NCAM2: variants seen among roughly 807,000 people sequenced by gnomAD.
NCAM2 encodes the protein N-CAM-2.
In NCAM2, 30 loss-of-function variants were observed where a neutral mutation model predicts 98.1. That is an observed-to-expected ratio of 0.31 (90% CI 0.23 to 0.41). The LOEUF (loss-of-function observed/expected upper bound fraction) is 0.41, where lower values mean the gene tolerates loss of function less well. NCAM2 is among the 10% of genes least tolerant of loss of function. NCAM2 has a pLI of 1.00. For missense variants in NCAM2, 867 were observed against 1,005.8 expected (o/e 0.86, Z 1.87); for synonymous variants, 368 against 342.4 (o/e 1.07, Z -0.83).
intron 1 of NCAM2, among the ~76,000 whole-genome samples, chr21:21,234,912 G>A (rs1357203084): frequency 6.6e-6 from 1 of 152,008 alleles, no homozygotes; most frequent in Non-Finnish European, 1.5e-5. Flanking sequence ...TAAGCAAATT[G>A]CAGCTAAGGG....
At chr21:21,311,845 G>A (rs2074064362) in intron 5 of NCAM2, among the ~76,000 whole-genome samples, 1 of 152,014 alleles carries the variant, frequency 6.6e-6, no homozygotes, top group Non-Finnish European at 1.5e-5. Context: ...GATTTGGGGT[G>A]TTTTTCTTTA....
chr21:21,413,550 G>C (rs573733722), intron 10 of NCAM2, among the ~76,000 whole-genome samples: 1 of 152,098 alleles, frequency 6.6e-6, no homozygotes, highest in Admixed American at 6.6e-5. Flanking sequence ...CCTCAATAAA[G>C]TAAATATCTC....
intron 1 of NCAM2, among the ~76,000 whole-genome samples, chr21:21,082,986 GT>G (rs1246315843): frequency 6.6e-6 from 1 of 152,210 alleles, no homozygotes; most frequent in Non-Finnish European, 1.5e-5. Flanking sequence ...GAGGTCTACT[GT>G]TTGCTCCTTG....
chr21:21,085,200 G>C (rs1453312790), intron 1 of NCAM2, among the ~76,000 whole-genome samples: 2 of 125,170 alleles, frequency 1.6e-5, no homozygotes, highest in African/African-American at 7.8e-5. Flanking sequence ...GTCTAGTTGG[G>C]GTTTTTTTTT....
At chr21:21,054,627 C>A (rs2065177809) in intron 1 of NCAM2, among the ~76,000 whole-genome samples, 1 of 151,860 alleles carries the variant, frequency 6.6e-6, no homozygotes, top group South Asian at 2.1e-4. Context: ...TAAATTGATT[C>A]CAAAAGATGT....
chr21:21,008,707 T>A (rs2064153443), intron 1 of NCAM2, among the ~76,000 whole-genome samples: 1 of 152,290 alleles, frequency 6.6e-6, no homozygotes, highest in Admixed American at 6.5e-5. Flanking sequence ...TTTAATATCA[T>A]TATGTTCTTC....
chr21:21,005,479 C>A (rs1027831347), intron 1 of NCAM2, among the ~76,000 whole-genome samples: 2 of 151,994 alleles, frequency 1.3e-5, no homozygotes, highest in Non-Finnish European at 2.9e-5. Flanking sequence ...AATTATATAT[C>A]AAGTTGCTGT....
chr21:21,421,715 A>T (rs1284488904), intron 11 of NCAM2, among the ~76,000 whole-genome samples: 1 of 152,198 alleles, frequency 6.6e-6, no homozygotes, highest in Non-Finnish European at 1.5e-5. Context: ...ATATGAGGAT[A>T]CCACAGTTTA....
At chr21:21,394,687 C>T (rs1012247820) in intron 9 of NCAM2, among the ~76,000 whole-genome samples, 1 of 151,626 alleles carries the variant, frequency 6.6e-6, no homozygotes, top group African/African-American at 2.4e-5. Context: ...CGGGGTTTCA[C>T]TGTGTTAGCC....
At chr21:21,225,210 A>G (rs1394045435) in intron 1 of NCAM2, among the ~76,000 whole-genome samples, 1 of 152,134 alleles carries the variant, frequency 6.6e-6, no homozygotes, top group Non-Finnish European at 1.5e-5. Flanking sequence ...GAACAATGAG[A>G]ACACGTTGAC....
At chr21:21,127,196 A>C (rs1395116644) in intron 1 of NCAM2, among the ~76,000 whole-genome samples, 1 of 151,986 alleles carries the variant, frequency 6.6e-6, no homozygotes. Context: ...TGTAATATAT[A>C]TTTAGAAACT....
intron 1 of NCAM2, among the ~76,000 whole-genome samples, chr21:21,224,669 C>G (rs2070310708): frequency 6.6e-6 from 1 of 152,098 alleles, no homozygotes; most frequent in South Asian, 2.1e-4. Context: ...GGTAAAGTTT[C>G]ATTTGTAATA....
At chr21:21,495,461 T>C (rs1186904700) in intron 15 of NCAM2, among the ~76,000 whole-genome samples, 2 of 152,018 alleles carry the variant, frequency 1.3e-5, no homozygotes, top group Non-Finnish European at 2.9e-5. Context: ...AGGCCGCCTC[T>C]AGCTCTTTCC....
chr21:21,353,804 TAAG>T (rs2147954316), intron 8 of NCAM2, among the ~76,000 whole-genome samples: 1 of 152,242 alleles, frequency 6.6e-6, no homozygotes, highest in African/African-American at 2.4e-5. Context: ...TTCAACATTC[TAAG>T]AAGTACCTAA....
intron 13 of NCAM2, among the ~76,000 whole-genome samples, chr21:21,467,191 T>C (rs1983793719): frequency 6.6e-6 from 1 of 151,722 alleles, no homozygotes; most frequent in Admixed American, 6.6e-5. Context: ...AGGAGAAGCC[T>C]TGTTCTGATA....
intron 1 of NCAM2, among the ~76,000 whole-genome samples, chr21:21,054,764 A>G (rs1009386335): frequency 7.2e-5 from 11 of 152,058 alleles, no homozygotes; most frequent in Non-Finnish European, 1.6e-4. Flanking sequence ...CTCAAAGAGA[A>G]CTATGAGTAT....
chr21:21,257,019 C>A (rs574058160), intron 1 of NCAM2, among the ~76,000 whole-genome samples: 4 of 152,296 alleles, frequency 2.6e-5, no homozygotes, highest in African/African-American at 9.6e-5. Flanking sequence ...TCTTTTTAAT[C>A]AAGCTGCTAA....
rs1391650825 is a variant in NCAM2, at chr21:21,537,852, G to A, written c.2409G>A (p.Leu803=). The change falls in exon 18 of 18, where the codon TTG becomes TTA. Residue 803 remains leucine (L), a synonymous_variant. Transcript: ENST00000400546. ...ETTPLTEPEK[L]PLKEEDGKEA... ...ATTATTTTTTATCTTCCAGAAAATT[G>A]CCTTTAAAGGAAGAAGATGGGAAAG... 1.3e-6 allele frequency: 2 copies of A among 1,499,360 alleles called. No individual in the cohort carries two copies. Among genetic ancestry groups the A allele is most frequent in the Admixed American group, 2.0e-5 (1 of 50,044 alleles). 92.9% of individuals were successfully genotyped at this position (1,499,360 alleles called of 1,614,324 possible).
Position 21,076,697 on chromosome 21 carries a change from C to G in NCAM2, c.55+78079C>G, listed in dbSNP as rs554669192. ...TAGTTTGTAGCATACTCACAACTAA[C>G]TGTATGAAGATATAAAACTGTACAG... On this transcript the variant is annotated intron_variant, in intron 1 of 17. Coordinates refer to ENST00000400546, the MANE Select transcript of NCAM2 (RefSeq NM_004540.5). Among the ~76,000 whole-genome samples, 67 of 152,216 alleles carry G rather than the reference C, an allele frequency of 4.4e-4. No homozygotes were observed. The South Asian group carries it at 9.7e-3, about 22-fold the overall frequency.
Sources: allele counts gnomAD v4.1 joint callset (sites outside exome capture counted in the v4.1 genomes callset), GRCh38; gene constraint gnomAD v4.1.1; transcripts MANE v1.5; gene names NCBI Gene and HGNC (gene_info 2026-07-23, HGNC 2026-07-21).